Variants in IGSF11 observed in about 807,000 individuals in gnomAD.
IGSF11 encodes the protein CXADR like 1.
In IGSF11, 22 loss-of-function variants were observed where a neutral mutation model predicts 41.0. The observed-to-expected ratio is 0.54, with a 90% confidence interval of 0.38 to 0.77. The LOEUF is 0.77. Ranked by LOEUF, IGSF11 falls within the 30% of genes least tolerant of loss-of-function variation. IGSF11 has a pLI of 0.00. For missense variants in IGSF11, 444 were observed against 530.8 expected (o/e 0.84, Z 1.61); for synonymous variants, 219 against 201.3 (o/e 1.09, Z -0.74).
chr3:119,094,301 C>A, intron 1 of IGSF11, among the ~76,000 whole-genome samples: 1 of 127,742 alleles, frequency 7.8e-6, no homozygotes, highest in African/African-American at 2.8e-5. Context: ...GGTTGTTGTA[C>A]CAAAAAATGA....
chr3:119,057,199 G>A (rs914652138), intron 1 of IGSF11, among the ~76,000 whole-genome samples: 1 of 152,158 alleles, frequency 6.6e-6, no homozygotes, highest in Non-Finnish European at 1.5e-5. Context: ...GTTTGCAGAC[G>A]ACATGACTGT....
intron 1 of IGSF11, among the ~76,000 whole-genome samples, chr3:119,096,549 T>C (rs938144914): frequency 3.3e-5 from 5 of 152,222 alleles, no homozygotes; most frequent in Non-Finnish European, 7.3e-5. Context: ...TTTCCACTCC[T>C]CTGAATCTTC....
At chr3:119,114,533 C>A (rs1426368136) in intron 1 of IGSF11, among the ~76,000 whole-genome samples, 2 of 152,234 alleles carry the variant, frequency 1.3e-5, no homozygotes, top group African/African-American at 4.8e-5. Context: ...CAAAAGTGAT[C>A]TTTGCTACAG....
At chr3:119,116,672 G>A (rs2077259890) in intron 1 of IGSF11, among the ~76,000 whole-genome samples, 1 of 152,184 alleles carries the variant, frequency 6.6e-6, no homozygotes, top group Admixed American at 6.5e-5. Context: ...CAGGCTAAAG[G>A]GAGGAGAGGA....
chr3:119,081,677 A>G (rs1179412480), intron 1 of IGSF11, among the ~76,000 whole-genome samples: 2 of 152,188 alleles, frequency 1.3e-5, no homozygotes, highest in Non-Finnish European at 2.9e-5. Flanking sequence ...TTCCTTACTT[A>G]TAAAATGAGA....
intron 1 of IGSF11, among the ~76,000 whole-genome samples, chr3:119,050,940 G>T (rs910974847): frequency 6.6e-4 from 95 of 144,152 alleles, no homozygotes; most frequent in Non-Finnish European, 1.2e-3. Context: ...GGTGGGAATT[G>T]AACAATGATA....
rs182496352 is a variant in IGSF11 at position 119,094,369 on chromosome 3, T to C, written c.49+10775A>G. On this transcript the variant is annotated intron_variant, in intron 1 of 6. Transcript: ENST00000354673. The stretch of plus-strand genomic sequence containing the variant: ...ACTCCTATAAACCACAACATACACA[T>C]GGGTAGTGGTGAACCACTAACAGCC... 4.2e-3 allele frequency among the ~76,000 whole-genome samples: 628 copies of C among 150,572 alleles called. 2 individuals are homozygous for C. The highest frequency in any genetic ancestry group is 0.015 in the African/African-American group (602 of 41,094).
chr3:119,067,614 G>A (rs1037538309), intron 1 of IGSF11, among the ~76,000 whole-genome samples: 9 of 152,016 alleles, frequency 5.9e-5, no homozygotes, highest in African/African-American at 1.9e-4. Flanking sequence ...CTTGACTAAC[G>A]TACTGTGGGG....
chr3:118,932,061 G>A (rs1385952776), intron 1 of IGSF11, among the ~76,000 whole-genome samples: 2 of 152,084 alleles, frequency 1.3e-5, no homozygotes, highest in Non-Finnish European at 2.9e-5. Flanking sequence ...TACTTCAAAG[G>A]AGTAATTTTA....
At chr3:118,902,997 A>C in intron 6 of IGSF11, 36 bp from the exon 7 acceptor site, 2 of 1,578,812 alleles carry the variant, frequency 1.3e-6, no homozygotes, top group Non-Finnish European at 1.7e-6. Context: ...GTTAGGATTT[A>C]CTTCAAGTTA....
intron 1 of IGSF11, among the ~76,000 whole-genome samples, chr3:118,993,080 G>C (rs1307770272): frequency 6.6e-6 from 1 of 152,110 alleles, no homozygotes; most frequent in Non-Finnish European, 1.5e-5. Context: ...TTAAAAATTA[G>C]CTGGGCATGG....
Position 118,926,197 on chromosome 3 carries a change from T to G in IGSF11, c.484A>C (p.Ile162Leu). The change falls in exon 4 of 7, where the codon ATC becomes CTC. Residue 162 changes from isoleucine to leucine, a missense_variant. Physicochemically the swap from Ile to Leu is conservative, Grantham distance 5 (BLOSUM62 2). Transcript: ENST00000393775. ...QGSQDIGSDV[I>L]LLCSSEEGIP... Reference sequence around the variant, plus strand: ...CCTTCCTCTGAGCTACAGAGCAGGATGACATCGCTGCCAATATCCTGGGAT... The same window carrying G: ...CCTTCCTCTGAGCTACAGAGCAGGAGGACATCGCTGCCAATATCCTGGGAT... 1 of 1,611,798 alleles carries G rather than the reference T, an allele frequency of 6.2e-7. No individual in the cohort carries two copies. The highest frequency in any genetic ancestry group is 8.5e-7 in the Non-Finnish European group (1 of 1,178,414).
At chr3:118,946,508 A>G (rs1003877780) in intron 1 of IGSF11, among the ~76,000 whole-genome samples, 4 of 151,964 alleles carry the variant, frequency 2.6e-5, no homozygotes, top group African/African-American at 9.7e-5. Context: ...CAACAAACAG[A>G]TTTCTCAATG....
intron 1 of IGSF11, among the ~76,000 whole-genome samples, chr3:119,059,428 G>A (rs1300395866): frequency 6.6e-6 from 1 of 151,946 alleles, no homozygotes; most frequent in African/African-American, 2.4e-5. Flanking sequence ...GGAGGGTGGT[G>A]ATTACAAAAA....
intron 1 of IGSF11, among the ~76,000 whole-genome samples, chr3:119,030,570 T>C (rs555410584): frequency 8.1e-4 from 123 of 152,326 alleles, no homozygotes; most frequent in Middle Eastern, 3.4e-3. Context: ...AATCCTTCCA[T>C]GGTTTAGTAA....
At chr3:118,939,249 G>T (rs905664300) in intron 1 of IGSF11, among the ~76,000 whole-genome samples, 1 of 151,960 alleles carries the variant, frequency 6.6e-6, no homozygotes, top group Non-Finnish European at 1.5e-5. Context: ...TCAATAGGAA[G>T]AAATCTAGAA....
intron 1 of IGSF11, chr3:118,948,501 G>A (rs1178506865): frequency 6.6e-6 from 1 of 152,196 alleles, no homozygotes; most frequent in Non-Finnish European, 1.5e-5. Context: ...GTTAAGTGGG[G>A]AAAAGGTCTA....
At chr3:119,040,679 CTATTT>C (rs1291872615) in intron 1 of IGSF11, among the ~76,000 whole-genome samples, 1 of 152,214 alleles carries the variant, frequency 6.6e-6, no homozygotes, top group Non-Finnish European at 1.5e-5. Flanking sequence ...GACAGGAACT[CTATTT>C]TATTCATTGC....
At chr3:119,040,256 A>G (rs755162019) in intron 1 of IGSF11, among the ~76,000 whole-genome samples, 1 of 152,160 alleles carries the variant, frequency 6.6e-6, no homozygotes, top group African/African-American at 2.4e-5. Flanking sequence ...GAAATGACTC[A>G]GTGCAAGAAG....
Sources: gnomAD v4.1 joint callset for allele counts (sites outside exome capture counted in the v4.1 genomes callset) on GRCh38, gnomAD v4.1.1 for gene constraint, MANE v1.5 for transcripts, NCBI Gene and HGNC (gene_info 2026-07-23, HGNC 2026-07-21) for gene names.